Variants in DTWD1 observed in about 807,000 individuals in gnomAD.
DTWD1 encodes DTW motif tRNA-uridine aminocarboxypropyltransferase 1.
A neutral mutation model predicts 30.2 loss-of-function variants in DTWD1; 27 were observed. The ratio of observed to expected loss-of-function variants is 0.90; its 90% CI spans 0.66 to 1.23. The LOEUF is 1.23. DTWD1 is among the 50% of genes most tolerant of loss of function. The pLI is 0.00. For synonymous variants in DTWD1, 99 were observed against 113.1 expected, an observed-to-expected ratio of 0.88 and a Z score of 0.79; for missense variants, 342 against 348.8, an observed-to-expected ratio of 0.98 and a Z score of 0.15.
chr15:49,625,616 C>A, intron 2 of DTWD1, 185 bp downstream of exon 2: 2 of 624,730 alleles, frequency 3.2e-6, no homozygotes, highest in Non-Finnish European at 5.4e-6. Flanking sequence ...TTTACTTCTG[C>A]AGAAGGGTGC....
At chr15:49,633,051 A>ATATATATC (rs2078949255) in intron 3 of DTWD1, among the ~76,000 whole-genome samples, 1 of 140,538 alleles carries the variant, frequency 7.1e-6, no homozygotes, top group Admixed American at 7.1e-5. Flanking sequence ...ATCTATATCT[A>ATATATATC]TATATATATA....
At chr15:49,637,923 T>A (rs2079021821) in intron 4 of DTWD1, among the ~76,000 whole-genome samples, 1 of 152,204 alleles carries the variant, frequency 6.6e-6, no homozygotes, top group Non-Finnish European at 1.5e-5. Context: ...AGTCTAATTG[T>A]GTGCGCTTTG....
intron 2 of DTWD1, among the ~76,000 whole-genome samples, chr15:49,627,266 A>T (rs780111356): frequency 6.6e-6 from 1 of 152,178 alleles, no homozygotes; most frequent in Non-Finnish European, 1.5e-5. Flanking sequence ...ATGGCCTTGT[A>T]TAAAATTTGA....
At chr15:49,641,431 G>C (rs2153353976) in intron 4 of DTWD1, among the ~76,000 whole-genome samples, 1 of 151,728 alleles carries the variant, frequency 6.6e-6, no homozygotes, top group East Asian at 1.9e-4. Flanking sequence ...GCCTCCTCCT[G>C]GTTCACATTG....
In DTWD1 at chr15:49,643,396, G is replaced by GAT. The variant is rs1220479883; in HGVS notation, c.735_736dup (p.Thr246IlefsTer15). 6.9e-6 allele frequency: 11 copies of GAT among 1,590,120 alleles called. No individual in the cohort carries two copies. The highest frequency in any genetic ancestry group is 9.4e-6 in the Non-Finnish European group (11 of 1,172,400). ...TTGGCGCCATCAAAAAGGAAAGCCA[G>GAT]ATACTTTCCTTTCTACAATTGAAGC... On this transcript the variant is annotated frameshift_variant, in exon 5 of 5. Coordinates refer to ENST00000403028, the MANE Select transcript of DTWD1 (RefSeq NM_001144955.2). LOFTEE classifies it high-confidence loss of function.
intron 2 of DTWD1, among the ~76,000 whole-genome samples, chr15:49,626,564 A>G (rs1174028796): frequency 4.6e-5 from 7 of 152,176 alleles, no homozygotes; most frequent in Non-Finnish European, 1.0e-4. Flanking sequence ...ATTAATGTAT[A>G]AAATTTGACT....
chr15:49,634,704 A>G lies in DTWD1; in HGVS notation c.577A>G (p.Lys193Glu), dbSNP rs1456292590. ...AGAGTTCTGTGATTTGAATGACAGC[A>G]AGTGCAAAGGCACAACACTGAAAAA... ...EQEFCDLNDS[K>E]CKGTTLKKII... The change falls in exon 4 of 5, where the codon AAG (lysine) becomes GAG (glutamate). Residue 193 changes from lysine (K) to glutamate (E), a missense_variant. Transcript: ENST00000403028. 1 of 1,613,520 alleles carries G rather than the reference A, an allele frequency of 6.2e-7. No homozygotes were observed. The highest frequency in any genetic ancestry group is 8.5e-7 in the Non-Finnish European group (1 of 1,179,766).
intron 4 of DTWD1, among the ~76,000 whole-genome samples, chr15:49,636,252 T>C (rs2079001202): frequency 3.9e-5 from 6 of 152,106 alleles, no homozygotes; most frequent in Admixed American, 3.3e-4. Flanking sequence ...TATTTATCTG[T>C]TGATGGACAT....
Position 49,643,313 on chromosome 15 carries a change from T to TC in DTWD1, c.668-18_668-17insC. ...TTTTTTCTTTCTTTCTTTCTTTTTT[T>TC]TTTTTTTTTTTTGACAGGGTTGTTA... is the stretch of plus-strand genomic sequence containing the variant. On this transcript the variant is annotated splice_polypyrimidine_tract_variant and intron_variant, in intron 4 of 4. Transcript: ENST00000403028. 1 of 1,423,054 alleles carries TC rather than the reference T, an allele frequency of 7.0e-7. No homozygotes were observed. Among genetic ancestry groups the TC allele is most frequent in the East Asian group, 2.8e-5 (1 of 35,358 alleles). 88.2% of individuals were successfully genotyped at this position (1,423,054 alleles called of 1,614,324 possible). A position where few individuals can be genotyped will look rare whatever the true frequency, so the allele number is the denominator to read the frequency against.
At position 49,626,602 on chromosome 15, in the gene DTWD1, T is replaced by C. The variant is rs182854940; in HGVS notation, c.264+1171T>C. The C allele has an allele frequency of 2.5e-3, 619 of 249,850 alleles. 4 individuals are homozygous for C. The highest frequency in any genetic ancestry group is 0.013 in the African/African-American group (583 of 45,776). The allele number at this position is 249,850 out of a possible 1,614,324, so 15.5% of individuals were successfully genotyped here. On this transcript the variant is annotated intron_variant, in intron 2 of 4. Transcript: ENST00000403028. ...GTAAGACTTTAGAGAGACTAAATTC[T>C]ACACATGGACTCATTAGAACTTGCC...
chr15:49,655,818 C>T lies in DTWD1; in HGVS notation c.*12240C>T, dbSNP rs994125833. The T allele has an allele frequency of 1.3e-5, 2 of 151,942 alleles. 1 individual carries two copies. The highest frequency in any genetic ancestry group is 4.1e-4 in the South Asian group (2 of 4,822). 9.4% of individuals were successfully genotyped at this position (151,942 alleles called of 1,614,324 possible). On this transcript the variant is annotated 3_prime_UTR_variant, in exon 5 of 5. Coordinates refer to ENST00000403028, the MANE Select transcript of DTWD1 (RefSeq NM_001144955.2). Reference sequence around the variant, plus strand: ...GCTGGCTGAAGTTGGGAATAGAAAACAGTAGAGAATACTTCAAGAGTATTC... The same window carrying T: ...GCTGGCTGAAGTTGGGAATAGAAAATAGTAGAGAATACTTCAAGAGTATTC...
Position 49,648,223 on chromosome 15 carries a change from T to C in DTWD1, c.*4645T>C, listed in dbSNP as rs2079132313. The C allele has an allele frequency of 6.6e-6, 1 of 152,154 alleles. No homozygotes were observed. Among genetic ancestry groups the C allele is most frequent in the Non-Finnish European group, 1.5e-5 (1 of 68,034 alleles). 9.4% of individuals were successfully genotyped at this position (152,154 alleles called of 1,614,324 possible). A position where few individuals can be genotyped will look rare whatever the true frequency, so the allele number is the denominator to read the frequency against. Reference sequence around the variant, plus strand: ...TTCATACACTGTATATTAAGCTCTATATACACTGCATATCATCATCATGAC... The same window carrying C: ...TTCATACACTGTATATTAAGCTCTACATACACTGCATATCATCATCATGAC... On this transcript the variant is annotated 3_prime_UTR_variant, in exon 5 of 5. Coordinates refer to ENST00000403028, the MANE Select transcript of DTWD1 (RefSeq NM_001144955.2).
intron 4 of DTWD1, among the ~76,000 whole-genome samples, chr15:49,635,586 G>A (rs1032508413): frequency 2.0e-5 from 3 of 151,990 alleles, no homozygotes; most frequent in Non-Finnish European, 4.4e-5. Flanking sequence ...TCTGCCTCCT[G>A]GGGTCAGGCG....
At chr15:49,642,250 T>C (rs34134305) in intron 4 of DTWD1, among the ~76,000 whole-genome samples, 7,989 of 152,252 alleles carry the variant, frequency 0.052, 357 homozygotes, top group East Asian at 0.23. Context: ...TTTCTCACTT[T>C]AAAATAAAAT....
At chr15:49,632,422 C>A in intron 3 of DTWD1, 120 bp downstream of exon 3, 2 of 953,482 alleles carry the variant, frequency 2.1e-6, no homozygotes, top group Non-Finnish European at 3.1e-6. Context: ...GTATTATGCT[C>A]AGGTAATGTT....
At position 49,625,368 on chromosome 15, in the gene DTWD1, C is replaced by G; in HGVS notation, c.201C>G (p.Phe67Leu). 1.2e-6 allele frequency: 2 copies of G among 1,613,666 alleles called. No homozygotes were observed. The highest frequency in any genetic ancestry group is 4.5e-5 in the East Asian group (2 of 44,818). ...TCAAATGTGGTGGTTCCAGAATGTT[C>G]TACTGCTATACATGTTATGTTCCAG... The part of the protein sequence containing the change: ...KCLKCGGSRM[F>L]YCYTCYVPVE... The change falls in exon 2 of 5, where the codon TTC (phenylalanine) becomes TTG (leucine). Residue 67 changes from phenylalanine to leucine, a missense_variant. Coordinates refer to ENST00000403028, the MANE Select transcript of DTWD1 (RefSeq NM_001144955.2).
chr15:49,638,660 A>G (rs1448936445), intron 4 of DTWD1, among the ~76,000 whole-genome samples: 1 of 152,146 alleles, frequency 6.6e-6, no homozygotes, highest in East Asian at 1.9e-4. Flanking sequence ...CTGAGTCTAT[A>G]CCTCAATTAA....
chr15:49,643,719 A>C lies in DTWD1; in HGVS notation c.*141A>C. The stretch of plus-strand genomic sequence containing the variant: ...ATTCCAGTTTCATATATATCACTTC[A>C]TATTTCTTGAAGGAAATTGTATCTG... On this transcript the variant is annotated 3_prime_UTR_variant, in exon 5 of 5. Coordinates refer to ENST00000403028, the MANE Select transcript of DTWD1 (RefSeq NM_001144955.2). 1 of 873,092 alleles carries C rather than the reference A, an allele frequency of 1.1e-6. No homozygotes were observed. The highest frequency in any genetic ancestry group is 3.2e-5 in the East Asian group (1 of 31,174). 54.1% of individuals were successfully genotyped at this position (873,092 alleles called of 1,614,324 possible).
intron 2 of DTWD1, chr15:49,626,642 A>T: frequency 3.0e-6 from 1 of 332,418 alleles, no homozygotes. Context: ...AAAAAAAAAT[A>T]AGTTGTAGCT....
Sources: gnomAD v4.1 joint callset for allele counts (sites outside exome capture counted in the v4.1 genomes callset) on GRCh38, gnomAD v4.1.1 for gene constraint, MANE v1.5 for transcripts, NCBI Gene and HGNC (gene_info 2026-07-23, HGNC 2026-07-21) for gene names.